The following CNTN4 variants were observed in gnomAD, a reference collection of about 807,000 sequenced individuals.
CNTN4 encodes contactin-4.
A neutral mutation model predicts 122.5 loss-of-function variants in CNTN4; 77 were observed. That is an observed-to-expected ratio of 0.63 (90% CI 0.52 to 0.76). The LOEUF is 0.76. Ranked by LOEUF, CNTN4 falls within the 30% of genes least tolerant of loss-of-function variation. The pLI, the probability that CNTN4 is intolerant of heterozygous loss-of-function variation, is 0.00. For synonymous variants in CNTN4, 512 were observed against 447.0 expected (o/e 1.15, Z -1.83); for missense variants, 1,256 against 1,259.1 (o/e 1.00, Z 0.04).
At chr3:2,824,050 G>T (rs1174364960) in intron 7 of CNTN4, among the ~76,000 whole-genome samples, 2 of 152,004 alleles carry the variant, frequency 1.3e-5, no homozygotes, top group Non-Finnish European at 2.9e-5. Context: ...GGCAGTGAGG[G>T]TTGACAGCTT....
intron 7 of CNTN4, among the ~76,000 whole-genome samples, chr3:2,832,628 A>G (rs989592276): frequency 1.3e-5 from 2 of 152,228 alleles, no homozygotes; most frequent in African/African-American, 4.8e-5. Flanking sequence ...AGAAGCCAAC[A>G]TGGCACATGA....
intron 10 of CNTN4, among the ~76,000 whole-genome samples, chr3:2,889,557 C>T (rs2094015370): frequency 6.6e-6 from 1 of 152,028 alleles, no homozygotes; most frequent in Non-Finnish European, 1.5e-5. Context: ...GTGTAGGGCT[C>T]GTTTTTCTCA....
Position 2,745,609 on chromosome 3 carries a change from T to C in CNTN4, c.270T>C (p.Asn90=), listed in dbSNP as rs376101561. The C allele has an allele frequency of 1.1e-5, 18 of 1,614,000 alleles. No individual in the cohort carries two copies. The highest frequency in any genetic ancestry group is 1.5e-5 in the Non-Finnish European group (18 of 1,180,006). Residue 90 remains asparagine, a synonymous_variant, in exon 6 of 25, where the codon AAT becomes AAC. Transcript: ENST00000418658. ...VEGSLLINNP[N]KTQDAGTYQC... ...GGAGCTTGTTGATCAATAACCCCAA[T>C]AAAACCCAAGATGCTGGAACGTACC...
chr3:2,707,202 A>C (rs2086793852), intron 4 of CNTN4, among the ~76,000 whole-genome samples: 1 of 151,850 alleles, frequency 6.6e-6, no homozygotes, highest in Non-Finnish European at 1.5e-5. Flanking sequence ...GCTACTCAGG[A>C]GCCTGAGGTG....
At chr3:2,895,950 G>A (rs996545581) in intron 10 of CNTN4, among the ~76,000 whole-genome samples, 15 of 152,092 alleles carry the variant, frequency 9.9e-5, no homozygotes, top group African/African-American at 2.4e-4. Context: ...GGAGAATGGC[G>A]TGAACCCAGA....
intron 5 of CNTN4, among the ~76,000 whole-genome samples, chr3:2,744,844 G>T (rs1185374931): frequency 6.6e-6 from 1 of 152,178 alleles, no homozygotes; most frequent in Non-Finnish European, 1.5e-5. Flanking sequence ...GATCCAGGTA[G>T]ATAAACAGAA....
rs1269976114 is a variant in CNTN4 at position 2,831,789 on chromosome 3, G to C, written c.454+12208G>C. Among the ~76,000 whole-genome samples, 3 of 152,194 alleles carry C rather than the reference G, an allele frequency of 2.0e-5. No individual in the cohort carries two copies. In the East Asian group the frequency reaches 5.8e-4, roughly 29 times the overall value. The stretch of plus-strand genomic sequence containing the variant: ...AAGAATCTCTACTTTGTGAAGTAGT[G>C]TGGAATTTACACATCCTCTCATTCC... On this transcript the variant is annotated intron_variant, in intron 7 of 24. Transcript: ENST00000418658.
chr3:3,010,269 T>C (rs1224641307), intron 14 of CNTN4, among the ~76,000 whole-genome samples: 1 of 152,070 alleles, frequency 6.6e-6, no homozygotes, highest in African/African-American at 2.4e-5. Flanking sequence ...AGTGCTCTGT[T>C]ACCTGACTTC....
At chr3:2,597,760 C>G (rs1384243187) in intron 4 of CNTN4, among the ~76,000 whole-genome samples, 2 of 152,112 alleles carry the variant, frequency 1.3e-5, no homozygotes, top group African/African-American at 4.8e-5. Context: ...TTTCTCAAGC[C>G]TGAGGTGTTG....
intron 14 of CNTN4, among the ~76,000 whole-genome samples, chr3:2,995,344 A>C (rs1577548841): frequency 6.6e-6 from 1 of 152,182 alleles, no homozygotes; most frequent in African/African-American, 2.4e-5. Flanking sequence ...AGATTGAGCA[A>C]ATAACATGCC....
chr3:2,883,372 T>C, intron 9 of CNTN4, 125 bp downstream of exon 9: 2 of 720,256 alleles, frequency 2.8e-6, no homozygotes, highest in Non-Finnish European at 2.5e-6. Flanking sequence ...TTTCTCTTTG[T>C]AATTCTGTGT....
chr3:2,956,037 G>C (rs1208958923), intron 13 of CNTN4, among the ~76,000 whole-genome samples: 1 of 152,162 alleles, frequency 6.6e-6, no homozygotes, highest in Non-Finnish European at 1.5e-5. Flanking sequence ...AGTGGAAACA[G>C]CCCAAATGTC....
chr3:2,544,948 A>C (rs984289644), intron 3 of CNTN4, among the ~76,000 whole-genome samples: 8 of 151,022 alleles, frequency 5.3e-5, no homozygotes, highest in African/African-American at 1.5e-4. Flanking sequence ...CTCTATTTCC[A>C]GTGGTTGTGA....
intron 10 of CNTN4, among the ~76,000 whole-genome samples, chr3:2,888,385 A>G (rs1174411500): frequency 1.3e-5 from 2 of 152,150 alleles, no homozygotes; most frequent in Non-Finnish European, 2.9e-5. Flanking sequence ...ACTGACATCA[A>G]CCATGCACCT....
intron 14 of CNTN4, among the ~76,000 whole-genome samples, chr3:3,013,602 G>A (rs1438017222): frequency 1.3e-5 from 2 of 151,998 alleles, no homozygotes; most frequent in Non-Finnish European, 2.9e-5. Context: ...AGTGCCCTCC[G>A]GGATTGTAAA....
At chr3:2,230,516 C>T (rs2039444035) in intron 2 of CNTN4, among the ~76,000 whole-genome samples, 1 of 152,138 alleles carries the variant, frequency 6.6e-6, no homozygotes, top group South Asian at 2.1e-4. Flanking sequence ...GGGATTGCAC[C>T]AGCCTTCCCA....
chr3:2,754,143 A>G (rs774073660), intron 6 of CNTN4, among the ~76,000 whole-genome samples: 2 of 152,168 alleles, frequency 1.3e-5, no homozygotes, highest in Admixed American at 6.5e-5. Context: ...TGAACTTTAA[A>G]TGTAGATTAT....
chr3:2,777,028 T>A (rs1451251657), intron 6 of CNTN4, among the ~76,000 whole-genome samples: 1 of 152,138 alleles, frequency 6.6e-6, no homozygotes, highest in Non-Finnish European at 1.5e-5. Context: ...TTGCCCAGGC[T>A]GGAGCGCAGT....
chr3:2,762,640 CAT>C (rs528652762), intron 6 of CNTN4, among the ~76,000 whole-genome samples: 4 of 152,138 alleles, frequency 2.6e-5, no homozygotes, highest in Admixed American at 6.5e-5. Flanking sequence ...TGAACATACA[CAT>C]GTGTGTGTCT....
Sources: gnomAD v4.1 joint callset for allele counts (sites outside exome capture counted in the v4.1 genomes callset) on GRCh38, gnomAD v4.1.1 for gene constraint, MANE v1.5 for transcripts, NCBI Gene and HGNC (gene_info 2026-07-23, HGNC 2026-07-21) for gene names.